The following AKT3 variants were observed in gnomAD, a reference collection of about 807,000 sequenced individuals.
The protein encoded by AKT3 is RAC-gamma serine/threonine-protein kinase.
In AKT3, 15 loss-of-function variants were observed where a neutral mutation model predicts 65.3. The ratio of observed to expected loss-of-function variants is 0.23; its 90% confidence interval spans 0.15 to 0.35. AKT3 has a LOEUF of 0.35. Ranked by LOEUF, AKT3 falls within the 10% of genes least tolerant of loss-of-function variation. The pLI is 1.00. For synonymous variants in AKT3, 206 were observed against 183.8 expected (o/e 1.12, Z -0.98); for missense variants, 243 against 576.5 (o/e 0.42, Z 5.92).
At chr1:243,573,096 T>A in intron 8 of AKT3, 48 bp from the exon 9 acceptor site, 1 of 1,597,764 alleles carries the variant, frequency 6.3e-7, no homozygotes, top group Non-Finnish European at 8.6e-7. Context: ...ACTGATTTAG[T>A]GGGGGAAATT....
intron 3 of AKT3, among the ~76,000 whole-genome samples, chr1:243,676,295 T>G (rs1299188384): frequency 1.3e-5 from 2 of 152,164 alleles, no homozygotes; most frequent in Non-Finnish European, 2.9e-5. Context: ...GCTGGAGGGA[T>G]TCCACAGATG....
At chr1:243,675,716 T>C (rs979997376) in intron 3 of AKT3, among the ~76,000 whole-genome samples, 1 of 152,218 alleles carries the variant, frequency 6.6e-6, no homozygotes, top group African/African-American at 2.4e-5. Context: ...TCATTTTCAT[T>C]TCTTTGCAGC....
chr1:243,759,530 A>AT, intron 2 of AKT3, among the ~76,000 whole-genome samples: 1 of 151,958 alleles, frequency 6.6e-6, no homozygotes, highest in South Asian at 2.1e-4. Context: ...TGGGTAATGA[A>AT]TAATATTATG....
chr1:243,505,240 GAA>G lies in AKT3; in HGVS notation c.*7_*8del. On this transcript the variant is annotated 3_prime_UTR_variant, in exon 14 of 14. Transcript: ENST00000673466. The stretch of plus-strand genomic sequence containing the variant: ...GAAGATGACAGTGAAGTAGCAGAAT[GAA>G]AGAGACTTATTCTCGTCCACTTGCA... The G allele has an allele frequency of 6.2e-7, 1 of 1,609,430 alleles. No individual in the cohort carries two copies. Among genetic ancestry groups the G allele is most frequent in the Non-Finnish European group, 8.5e-7 (1 of 1,175,728 alleles).
intron 2 of AKT3, among the ~76,000 whole-genome samples, chr1:243,720,546 T>C (rs1686822638): frequency 6.6e-6 from 1 of 151,996 alleles, no homozygotes; most frequent in Non-Finnish European, 1.5e-5. Flanking sequence ...TAGAGTTCTA[T>C]GATTTTTATC....
chr1:243,646,016 G>A lies in AKT3; in HGVS notation c.306C>T (p.Ile102=). ...TCTGCAGTCTGTCTGCTACAGCCTG[G>A]ATAGCTTCTGTCCATTCTTCCCTAT... ...PEEREEWTEA[I]QAVADRLQRQ... is the part of the protein sequence containing the mutation. The change falls in exon 5 of 14, where the codon ATC becomes ATT. Residue 102 remains isoleucine (I), a synonymous_variant. Transcript: ENST00000673466. The A allele has an allele frequency of 6.2e-7, 1 of 1,609,732 alleles. No individual in the cohort carries two copies. Among genetic ancestry groups the A allele is most frequent in the Non-Finnish European group, 8.5e-7 (1 of 1,178,380 alleles).
At chr1:243,545,938 G>A (rs929688933) in intron 11 of AKT3, among the ~76,000 whole-genome samples, 3 of 152,058 alleles carry the variant, frequency 2.0e-5, no homozygotes, top group Non-Finnish European at 4.4e-5. Context: ...TTTGCTGGTG[G>A]GTCACTGCAA....
intron 2 of AKT3, among the ~76,000 whole-genome samples, chr1:243,747,490 A>C (rs1688547109): frequency 6.6e-6 from 1 of 152,192 alleles, no homozygotes; most frequent in Admixed American, 6.5e-5. Flanking sequence ...CATTGCTGCT[A>C]AGTTGTAACT....
downstream of AKT3, among the ~76,000 whole-genome samples, chr1:243,499,508 C>A (rs529956579): frequency 6.6e-6 from 1 of 152,298 alleles, no homozygotes; most frequent in East Asian, 1.9e-4. Context: ...AAGAGGCAGG[C>A]GTGTCTTTTG....
intron 3 of AKT3, among the ~76,000 whole-genome samples, chr1:243,665,300 A>C (rs2147923136): frequency 6.6e-6 from 1 of 152,250 alleles, no homozygotes; most frequent in South Asian, 2.1e-4. Flanking sequence ...CCCTAGACTG[A>C]CCATTTCATC....
At chr1:243,817,412 C>T (rs1693596400) in intron 2 of AKT3, among the ~76,000 whole-genome samples, 1 of 152,196 alleles carries the variant, frequency 6.6e-6, no homozygotes, top group African/African-American at 2.4e-5. Context: ...GTATAAGATA[C>T]TTGTATTTCA....
chr1:243,601,526 T>C (rs1325474167), intron 8 of AKT3, among the ~76,000 whole-genome samples: 2 of 152,124 alleles, frequency 1.3e-5, no homozygotes, highest in Non-Finnish European at 2.9e-5. Context: ...TTTAATGAAG[T>C]TGATCATAAC....
At chr1:243,807,694 C>T (rs1572384533) in intron 2 of AKT3, among the ~76,000 whole-genome samples, 1 of 152,198 alleles carries the variant, frequency 6.6e-6, no homozygotes, top group East Asian at 1.9e-4. Flanking sequence ...AGTGGTTCTC[C>T]CAGCACAGAG....
chr1:243,558,331 T>C (rs1281932418), intron 10 of AKT3, among the ~76,000 whole-genome samples: 1 of 151,992 alleles, frequency 6.6e-6, no homozygotes, highest in East Asian at 1.9e-4. Flanking sequence ...CACAATGACT[T>C]TGAGCAAATC....
intron 12 of AKT3, among the ~76,000 whole-genome samples, chr1:243,535,185 AATTTTAAAATATATTTTAAAATT>A (rs1671830115): frequency 3.6e-5 from 5 of 139,106 alleles, no homozygotes; most frequent in African/African-American, 1.4e-4. Flanking sequence ...ATTTTAAAAT[AATTTTAAAATATATTTTAAAATT>A]ATTTTAAAAT....
chr1:243,754,879 T>C (rs372410409), intron 2 of AKT3, among the ~76,000 whole-genome samples: 3 of 152,222 alleles, frequency 2.0e-5, no homozygotes, highest in East Asian at 3.9e-4. Context: ...AATCATCTTA[T>C]AGCGCACAGG....
At chr1:243,661,859 GA>G (rs1316607375) in intron 4 of AKT3, among the ~76,000 whole-genome samples, 1 of 149,014 alleles carries the variant, frequency 6.7e-6, no homozygotes, top group African/African-American at 2.5e-5. Flanking sequence ...AAATTTACAA[GA>G]AAAAAACAAA....
intron 2 of AKT3, among the ~76,000 whole-genome samples, chr1:243,732,052 G>A (rs942843330): frequency 1.3e-5 from 2 of 151,328 alleles, no homozygotes; most frequent in Middle Eastern, 3.4e-3. Context: ...AATAAATTTC[G>A]CCTCATCTTA....
intron 1 of AKT3, among the ~76,000 whole-genome samples, chr1:243,847,434 CAT>C (rs1401194399): frequency 1.3e-5 from 2 of 152,102 alleles, no homozygotes; most frequent in Non-Finnish European, 2.9e-5. Flanking sequence ...CAAAAGAAAA[CAT>C]AGCTATCTTT....
Sources: gnomAD v4.1 joint callset for allele counts (sites outside exome capture counted in the v4.1 genomes callset) on GRCh38, gnomAD v4.1.1 for gene constraint, MANE v1.5 for transcripts, NCBI Gene and HGNC (gene_info 2026-07-23, HGNC 2026-07-21) for gene names.